ERC2: variants seen among roughly 807,000 people sequenced by gnomAD.
ERC2 encodes the protein ERC protein 2.
ERC2 carries 42 observed loss-of-function variants against 114.8 expected under a neutral mutation model. The observed-to-expected ratio is 0.37, with a 90% CI of 0.29 to 0.47. The LOEUF is 0.47. Ranked by LOEUF, ERC2 falls within the 20% of genes least tolerant of loss-of-function variation. The probability of loss-of-function intolerance (pLI) is 0.99; values close to 1 mark genes in which losing one functional copy is unlikely to be tolerated. For synonymous variants in ERC2, 454 were observed against 425.5 expected (o/e 1.07, Z -0.82); for missense variants, 939 against 1,150.7 (o/e 0.82, Z 2.66).
chr3:55,925,140 T>C (rs1468375156), intron 13 of ERC2, among the ~76,000 whole-genome samples: 1 of 152,134 alleles, frequency 6.6e-6, no homozygotes, highest in Non-Finnish European at 1.5e-5. Context: ...ATGGATCTAT[T>C]TAGTGTTACC....
intron 7 of ERC2, among the ~76,000 whole-genome samples, chr3:56,032,785 T>G (rs755145665): frequency 4.0e-5 from 6 of 150,364 alleles, no homozygotes; most frequent in Non-Finnish European, 8.8e-5. Flanking sequence ...TAGGATCACT[T>G]GAGCCCAGGA....
chr3:55,681,033 G>C (rs541498001), intron 17 of ERC2, among the ~76,000 whole-genome samples: 5 of 152,114 alleles, frequency 3.3e-5, no homozygotes, highest in African/African-American at 1.2e-4. Context: ...CAGGCCATAC[G>C]CTGATAAATC....
At chr3:55,759,462 TAAAAAAAAAAAAA>T (rs540204065) in intron 14 of ERC2, among the ~76,000 whole-genome samples, 11 of 36,076 alleles carry the variant, frequency 3.0e-4, no homozygotes, top group Non-Finnish European at 3.9e-4. Flanking sequence ...TCTCTTTCAT[TAAAAAAAAAAAAA>T]AAAAAAAAAA....
At chr3:56,267,384 T>C (rs1236721114) in intron 3 of ERC2, among the ~76,000 whole-genome samples, 2 of 152,152 alleles carry the variant, frequency 1.3e-5, no homozygotes, top group African/African-American at 2.4e-5. Context: ...GGCTACATGA[T>C]CTCACTTACA....
intron 6 of ERC2, among the ~76,000 whole-genome samples, chr3:56,106,569 G>A (rs1266866308): frequency 6.6e-6 from 1 of 152,142 alleles, no homozygotes. Context: ...ATAGCCCAGA[G>A]GTTAGGTACA....
intron 17 of ERC2, among the ~76,000 whole-genome samples, chr3:55,583,523 C>CCTTCCTTCCTTCCTTCCTTCCTT: frequency 2.7e-5 from 1 of 36,914 alleles, no homozygotes; most frequent in East Asian, 6.6e-4. Context: ...CTCCCTCCCT[C>CCTTCCTTCCTTCCTTCCTTCCTT]CCTTCCTTCC....
chr3:55,891,848 C>G (rs1398763947), intron 13 of ERC2, among the ~76,000 whole-genome samples: 1 of 152,222 alleles, frequency 6.6e-6, no homozygotes, highest in African/African-American at 2.4e-5. Context: ...TCTACTCTTG[C>G]AGACCACAAG....
chr3:55,944,225 A>G (rs1408545399), intron 13 of ERC2, among the ~76,000 whole-genome samples: 1 of 152,246 alleles, frequency 6.6e-6, no homozygotes, highest in African/African-American at 2.4e-5. Context: ...CAGGATCTTC[A>G]GCCTTCGGCA....
In ERC2 at chr3:55,764,276, C is replaced by T. The variant is rs189096903; in HGVS notation, c.2565-29358G>A. ...TGAAAAGCACATTTGCAATTACTTGCCCCATTTTTAAACCATTTTCTTCTT... is the reference window on the plus strand; with the variant it reads ...TGAAAAGCACATTTGCAATTACTTGTCCCATTTTTAAACCATTTTCTTCTT... On this transcript the variant is annotated intron_variant, in intron 14 of 17. Transcript: ENST00000288221. Among the ~76,000 whole-genome samples, 3 of 152,324 alleles carry T rather than the reference C, an allele frequency of 2.0e-5. No individual in the cohort carries two copies. In the East Asian group the frequency reaches 5.8e-4, roughly 29 times the overall value.
At chr3:56,077,665 G>C (rs528922851) in intron 7 of ERC2, among the ~76,000 whole-genome samples, 1 of 152,158 alleles carries the variant, frequency 6.6e-6, no homozygotes, top group African/African-American at 2.4e-5. Context: ...AAATGAACAA[G>C]TGTGATATTT....
chr3:56,094,476 C>A (rs981258384), intron 6 of ERC2, among the ~76,000 whole-genome samples: 3 of 152,180 alleles, frequency 2.0e-5, no homozygotes, highest in Admixed American at 2.0e-4. Flanking sequence ...ACCCTAGGTT[C>A]ATTTCTGGCT....
intron 3 of ERC2, among the ~76,000 whole-genome samples, chr3:56,294,442 G>T (rs1323711977): frequency 6.6e-6 from 1 of 152,198 alleles, no homozygotes; most frequent in Non-Finnish European, 1.5e-5. Flanking sequence ...TCACTAAATG[G>T]CTGTTACCAG....
intron 17 of ERC2, among the ~76,000 whole-genome samples, chr3:55,672,855 G>T (rs937314): frequency 2.0e-5 from 3 of 151,810 alleles, no homozygotes; most frequent in Non-Finnish European, 4.4e-5. Flanking sequence ...CAGGCTTCGG[G>T]GCGTAGGAGT....
rs145904588 is a variant in ERC2 at position 55,728,022 on chromosome 3, A to G, written c.2712+6749T>C. On this transcript the variant is annotated intron_variant, in intron 15 of 17. Coordinates refer to ENST00000288221, the MANE Select transcript of ERC2 (RefSeq NM_015576.3). ...TGGCTGCCTAGAATATTGGGGTGAG[A>G]ATTATGAGGCTAAGTCTTACCTACA... 1.7e-3 allele frequency among the ~76,000 whole-genome samples: 264 copies of G among 152,230 alleles called. 1 individual carries two copies. Among genetic ancestry groups the G allele is most frequent in the Middle Eastern group, 6.8e-3 (2 of 294 alleles).
chr3:55,549,010 G>A (rs1244973525), intron 17 of ERC2, among the ~76,000 whole-genome samples: 1 of 152,188 alleles, frequency 6.6e-6, no homozygotes, highest in African/African-American at 2.4e-5. Context: ...GTAAGACACC[G>A]TGCTATGCAG....
At chr3:56,299,081 C>A (rs1237273699) in intron 2 of ERC2, among the ~76,000 whole-genome samples, 1 of 148,724 alleles carries the variant, frequency 6.7e-6, no homozygotes, top group Non-Finnish European at 1.5e-5. Context: ...ACATATATAG[C>A]TAGATAGGTA....
In ERC2 at chr3:55,980,291, C is replaced by T. The variant is rs116422699; in HGVS notation, c.2267+5686G>A. 2.5e-3 allele frequency among the ~76,000 whole-genome samples: 376 copies of T among 152,048 alleles called. 2 individuals are homozygous for T. The highest frequency in any genetic ancestry group is 8.6e-3 in the African/African-American group (358 of 41,468). ...TCAAAATCCTCCACAAAAAAAATGT[C>T]GAAAGCATTTGTTATACGTAACAAC... On this transcript the variant is annotated intron_variant, in intron 12 of 17. Transcript: ENST00000288221.
At chr3:55,990,151 T>C (rs796406032) in intron 11 of ERC2, among the ~76,000 whole-genome samples, 15 of 152,302 alleles carry the variant, frequency 9.8e-5, no homozygotes, top group African/African-American at 3.6e-4. Context: ...CTCCCCACTT[T>C]TTAAGAACCA....
intron 14 of ERC2, among the ~76,000 whole-genome samples, chr3:55,863,409 T>A (rs1184445384): frequency 6.6e-6 from 1 of 152,140 alleles, no homozygotes; most frequent in Non-Finnish European, 1.5e-5. Flanking sequence ...ATGGAAAAAC[T>A]ATGAACTGCT....
Sources: gnomAD v4.1 joint callset for allele counts (sites outside exome capture counted in the v4.1 genomes callset) on GRCh38, gnomAD v4.1.1 for gene constraint, MANE v1.5 for transcripts, NCBI Gene and HGNC (gene_info 2026-07-23, HGNC 2026-07-21) for gene names.